Variants in ZP3 observed in about 807,000 individuals in gnomAD.
ZP3 encodes zona pellucida sperm-binding protein 3.
ZP3 carries 21 observed loss-of-function variants against 35.6 expected under a neutral mutation model. That is an observed-to-expected ratio of 0.59 (90% CI 0.42 to 0.85). The LOEUF (loss-of-function observed/expected upper bound fraction) is 0.85, where lower values mean the gene tolerates loss of function less well. Among genes scored for constraint, ZP3 ranks in the 40% least tolerant of loss-of-function variants. The pLI is 0.00. For missense variants in ZP3, 437 were observed against 536.5 expected (o/e 0.81, Z 1.83); for synonymous variants, 207 against 214.5 (o/e 0.96, Z 0.31).
rs369220809 is a variant in ZP3, at chr7:76,425,165, G to C, written c.201G>C (p.Arg67Ser). Residue 67 changes from arginine to serine, a missense_variant, in exon 1 of 8, where the codon AGG becomes AGC. By Grantham distance (110) the Arg-to-Ser change is moderately radical. Around this residue, in one of 6 missense-constraint regions of ZP3, gnomAD observed 352 missense variants for 308.4 expected, o/e 1.14. Transcript: ENST00000394857. ...TTTTTGGCACCGGGAAGCTCATCAG[G>C]GCTGCTGACCTCACCTTGGGCCCAG... is the stretch of plus-strand genomic sequence containing the variant. Reference protein sequence around the residue: ...KDLFGTGKLIRAADLTLGPEA... With the variant: ...KDLFGTGKLISAADLTLGPEA... 1 of 1,613,874 alleles carries C rather than the reference G, an allele frequency of 6.2e-7. No individual in the cohort carries two copies. The highest frequency in any genetic ancestry group is 1.3e-5 in the African/African-American group (1 of 74,924).
intron 1 of ZP3, among the ~76,000 whole-genome samples, chr7:76,415,364 C>CAAGAAAAAAAAAAAAAAA (rs1805343765): frequency 1.6e-5 from 1 of 63,532 alleles, no homozygotes. Context: ...GACTCCGTCT[C>CAAGAAAAAAAAAAAAAAA]AAAAAAAAAA....
At chr7:76,432,850 TGAG>T in intron 2 of ZP3, 74 bp from the exon 3 acceptor site, 1 of 1,222,360 alleles carries the variant, frequency 8.2e-7, no homozygotes, top group Non-Finnish European at 1.2e-6. Flanking sequence ...GGGGTAGCAG[TGAG>T]ATACTCCCCA....
chr7:76,398,236 A>G (rs746902568), intron 1 of ZP3, among the ~76,000 whole-genome samples: 69 of 151,194 alleles, frequency 4.6e-4, no homozygotes, highest in Non-Finnish European at 6.8e-4. Flanking sequence ...TCTTCTAGTC[A>G]TGATCATCAT....
chr7:76,420,154 C>T (rs1019085779), upstream of ZP3, among the ~76,000 whole-genome samples: 1 of 150,126 alleles, frequency 6.7e-6, no homozygotes, highest in Non-Finnish European at 1.5e-5. Flanking sequence ...CCTTCCTATT[C>T]CTCTTCCTCT....
rs60553917 is a variant in ZP3 at position 76,436,030 on chromosome 7, C to CTTTTTT, written c.831+1915_831+1920dup. The stretch of plus-strand genomic sequence containing the variant: ...TGAACCACCACGCGCCCCCCGCCCC[C>CTTTTTT]TTTTTTTTTTTTTTTTTTTTTTTTT... On this transcript the variant is annotated intron_variant, in intron 5 of 7. Transcript: ENST00000394857. Among the ~76,000 whole-genome samples, 64 of 74,350 alleles carry CTTTTTT rather than the reference C, an allele frequency of 8.6e-4. 8 individuals are homozygous for CTTTTTT. The highest frequency in any genetic ancestry group is 1.3e-3 in the Non-Finnish European group (51 of 38,940). 48.8% of individuals were successfully genotyped at this position (74,350 alleles called of 152,430 possible).
At chr7:76,434,940 A>G (rs1190314132) in intron 5 of ZP3, among the ~76,000 whole-genome samples, 2 of 151,960 alleles carry the variant, frequency 1.3e-5, no homozygotes, top group Non-Finnish European at 2.9e-5. Context: ...CTAAGAGGGA[A>G]GGAGAAGGAA....
chr7:76,424,188 C>T (rs57184518), upstream of ZP3, among the ~76,000 whole-genome samples: 448 of 152,306 alleles, frequency 2.9e-3, 4 homozygotes, highest in African/African-American at 0.01. Context: ...CCTGGGACAG[C>T]TCCCTTGCCG....
chr7:76,400,359 C>T, intron 1 of ZP3: 4 of 1,565,768 alleles, frequency 2.6e-6, no homozygotes, highest in Non-Finnish European at 3.5e-6. Flanking sequence ...CGCACTCGCT[C>T]AGCGCAGCTT....
exon 1 of ZP3, chr7:76,397,666 G>C: frequency 6.2e-7 from 1 of 1,613,612 alleles, no homozygotes; most frequent in East Asian, 2.2e-5. Flanking sequence ...AGAAGGCGTT[G>C]GTGGTGGCGG....
At chr7:76,440,119 T>C in intron 5 of ZP3, 131 bp from the exon 6 acceptor site, 1 of 1,469,322 alleles carries the variant, frequency 6.8e-7, no homozygotes, top group Non-Finnish European at 9.1e-7. Context: ...AGTGCTGGGA[T>C]TATAGGTGTG....
chr7:76,415,893 G>T (rs1349026116), intron 1 of ZP3, among the ~76,000 whole-genome samples: 2 of 151,790 alleles, frequency 1.3e-5, no homozygotes, highest in African/African-American at 2.4e-5. Context: ...ACTTTGGGAG[G>T]CTGAGGCAGG....
rs1274040241 is a variant in ZP3, at chr7:76,436,115, A to G, written c.831+1960A>G. On this transcript the variant is annotated intron_variant, in intron 5 of 7. Transcript: ENST00000394857. ...CACCCAGGCTGGAGTACAGTGGCCC[A>G]ATCTTAGGTCACTGCAACTTCCACC... Among the ~76,000 whole-genome samples the G allele has an allele frequency of 5.1e-5, 6 of 117,676 alleles. No homozygotes were observed. In the East Asian group the frequency reaches 1.3e-3, roughly 26 times the overall value. The allele number at this position is 117,676 out of a possible 152,430, so 77.2% of individuals were successfully genotyped here. A position where few individuals can be genotyped will look rare whatever the true frequency, so the allele number is the denominator to read the frequency against.
chr7:76,440,636 C>G, intron 7 of ZP3, 25 bp downstream of exon 7: 2 of 1,596,188 alleles, frequency 1.3e-6, no homozygotes, highest in Non-Finnish European at 1.7e-6. Flanking sequence ...GGCCAAGAGG[C>G]TGTTCATTGT....
intron 2 of ZP3, among the ~76,000 whole-genome samples, chr7:76,430,911 G>A (rs926000592): frequency 2.0e-5 from 3 of 152,166 alleles, no homozygotes; most frequent in Non-Finnish European, 2.9e-5. Context: ...CACACCCAAC[G>A]GGAGGGTAGT....
At chr7:76,404,797 C>T (rs112392393) in intron 1 of ZP3, among the ~76,000 whole-genome samples, 3,683 of 150,332 alleles carry the variant, frequency 0.024, 111 homozygotes, top group East Asian at 0.13. Context: ...AGGCCGGCTG[C>T]GGTGGCTCAT....
upstream of ZP3, among the ~76,000 whole-genome samples, chr7:76,421,502 C>A (rs1805504166): frequency 6.6e-6 from 1 of 151,106 alleles, no homozygotes; most frequent in East Asian, 1.9e-4. Flanking sequence ...AATCCTCCCA[C>A]CTTAGCCTCC....
upstream of ZP3, chr7:76,424,939 C>T (rs576686860): frequency 2.7e-6 from 4 of 1,494,568 alleles, no homozygotes; most frequent in South Asian, 3.8e-5. Flanking sequence ...TGGCCAGAGG[C>T]GGCTGCCTGC....
Position 76,433,522 on chromosome 7 carries a change from C to T in ZP3, c.588C>T (p.Ala196=), listed in dbSNP as rs748101510. Residue 196 remains alanine (A), a synonymous_variant, in exon 4 of 8, where the codon GCC becomes GCT. Coordinates refer to ENST00000394857, the MANE Select transcript of ZP3 (RefSeq NM_001110354.2). ...CCACCTTCCACCTGGGAGATGCAGC[C>T]CACCTCCAGGCAGAAATCCACACTG... The part of the protein sequence containing the change: ...RSPTFHLGDA[A]HLQAEIHTGS... The T allele has an allele frequency of 6.2e-7, 1 of 1,614,110 alleles. No individual in the cohort carries two copies. The highest frequency in any genetic ancestry group is 1.1e-5 in the South Asian group (1 of 91,076).
At chr7:76,398,992 C>T (rs1049019777) in intron 1 of ZP3, among the ~76,000 whole-genome samples, 21 of 152,096 alleles carry the variant, frequency 1.4e-4, no homozygotes, top group African/African-American at 4.3e-4. Flanking sequence ...CTCTAAAGCA[C>T]GGTTTTTGTT....
Sources: gnomAD v4.1 joint callset for allele counts (sites outside exome capture counted in the v4.1 genomes callset) on GRCh38, gnomAD v4.1.1 for gene constraint, gnomAD v4.1.1 regional missense constraint, MANE v1.5 for transcripts, NCBI Gene and HGNC (gene_info 2026-07-23, HGNC 2026-07-21) for gene names.